Variants in ATP13A2 observed in about 807,000 individuals in gnomAD.
The protein encoded by ATP13A2 is ATPase cation transporting 13A2.
ATP13A2 carries 83 observed loss-of-function variants against 138.3 expected under a neutral mutation model. The observed-to-expected ratio is 0.60, with a 90% CI of 0.50 to 0.72. The LOEUF (loss-of-function observed/expected upper bound fraction) is 0.72. Ranked by LOEUF, ATP13A2 falls within the 30% of genes least tolerant of loss-of-function variation. The pLI is 0.00. For synonymous variants in ATP13A2, 663 were observed against 699.0 expected (o/e 0.95, Z 0.81); for missense variants, 1,402 against 1,606.4 (o/e 0.87, Z 2.17).
At position 16,995,084 on chromosome 1, in the gene ATP13A2, G is replaced by A. The variant is rs1435071167; in HGVS notation, c.1542+892C>T. Among the ~76,000 whole-genome samples, 1 of 152,120 alleles carries A rather than the reference G, an allele frequency of 6.6e-6. No individual in the cohort carries two copies. Among genetic ancestry groups the A allele is most frequent in the Non-Finnish European group, 1.5e-5 (1 of 68,020 alleles). On this transcript the variant is annotated intron_variant, in intron 15 of 28. Transcript: ENST00000326735. The surrounding 1 kb of genome is among the most constrained non-coding windows in gnomAD (Gnocchi z 4.1). The stretch of plus-strand genomic sequence containing the variant: ...TCCACCACTCCCTGTGCTCAGGTAC[G>A]CAGCACATCTGTGCCACGCCACTCC...
rs777952205 is a variant in ATP13A2, at chr1:17,000,252, C to T, written c.901G>A (p.Gly301Arg). ...CTGGGCCCTAGCTCCTCACCTCCCCCTGGCCGGCACACGCACACCCGCATG... is the reference window on the plus strand; with the variant it reads ...CTGGGCCCTAGCTCCTCACCTCCCCTTGGCCGGCACACGCACACCCGCATG... The part of the protein sequence containing the change: ...LSMRVCVCRP[G>R]GEEEWVDSSE... The change falls in exon 10 of 29, where the codon GGG becomes AGG. Residue 301 changes from glycine (G) to arginine (R), a missense_variant. Transcript: ENST00000326735. 4.5e-6 allele frequency: 7 copies of T among 1,566,988 alleles called. No individual in the cohort carries two copies. Among genetic ancestry groups the T allele is most frequent in the African/African-American group, 2.7e-5 (2 of 74,036 alleles).
rs755392029 is a variant in ATP13A2, at chr1:17,000,111, C to A, written c.939G>T (p.Val313=). The A allele has an allele frequency of 6.2e-7, 1 of 1,613,466 alleles. No homozygotes were observed. The highest frequency in any genetic ancestry group is 1.1e-5 in the South Asian group (1 of 91,070). The part of the protein sequence containing the change: ...EEEWVDSSEL[V]PGDCLVLPQE... ...GGGGCAGCACCAGGCAGTCTCCGGGCACTAGCTCACTGGAGTCCACCCACT... is the reference window on the plus strand; with the variant it reads ...GGGGCAGCACCAGGCAGTCTCCGGGAACTAGCTCACTGGAGTCCACCCACT... The change falls in exon 11 of 29, where the codon GTG becomes GTT. Residue 313 remains valine (V), a synonymous_variant. Transcript: ENST00000326735.
chr1:17,006,450 C>T lies in ATP13A2; in HGVS notation c.11-672G>A, dbSNP rs1013884167. Among the ~76,000 whole-genome samples, 4 of 152,054 alleles carry T rather than the reference C, an allele frequency of 2.6e-5. No homozygotes were observed. The South Asian group carries it at 8.3e-4, about 32-fold the overall frequency. ...ATTTTTAGTAGAGATGGGGTTTCACCATGTTGGCCAGGCTGGTCTCGAACT... is the reference window on the plus strand; with the variant it reads ...ATTTTTAGTAGAGATGGGGTTTCACTATGTTGGCCAGGCTGGTCTCGAACT... On this transcript the variant is annotated intron_variant, in intron 1 of 28. Transcript: ENST00000326735.
chr1:17,011,922 C>T lies in ATP13A2; in HGVS notation c.-184G>A. 1 of 369,540 alleles carries T rather than the reference C, an allele frequency of 2.7e-6. No individual in the cohort carries two copies. Among genetic ancestry groups the T allele is most frequent in the Non-Finnish European group, 3.8e-6 (1 of 263,858 alleles). The allele number at this position is 369,540 out of a possible 1,614,324, so 22.9% of individuals were successfully genotyped here. On this transcript the variant is annotated 5_prime_UTR_variant, in exon 1 of 29. Transcript: ENST00000326735. This position sits in a 1 kb window ranked among gnomAD's most constrained non-coding sequence, Gnocchi z 7.3. ...TGGGCCACCAGGCTCGGCGCGGCTC[C>T]GACACTGCCGCAGTCCCTCCGTGCG...
intron 6 of ATP13A2, among the ~76,000 whole-genome samples, chr1:17,003,958 A>G (rs2076601): frequency 0.56 from 85,173 of 151,934 alleles, 24,875 homozygotes; most frequent in African/African-American, 0.73. Context: ...CACCGCACCC[A>G]GCCTGAGCTC....
intron 8 of ATP13A2, among the ~76,000 whole-genome samples, chr1:17,001,550 A>G (rs538503070): frequency 6.6e-6 from 1 of 152,192 alleles, no homozygotes; most frequent in Non-Finnish European, 1.5e-5. Flanking sequence ...GAGGGCTGGG[A>G]TGTTCACACT....
chr1:17,000,628 C>T (rs2077321500), intron 8 of ATP13A2, 94 bp from the exon 9 acceptor site: 1 of 1,492,070 alleles, frequency 6.7e-7, no homozygotes, highest in African/African-American at 1.4e-5. Flanking sequence ...GCAGAGGGCC[C>T]AGTGGCTGCC....
chr1:17,002,359 C>G lies in ATP13A2; in HGVS notation c.572G>C (p.Gly191Ala). The change falls in exon 7 of 29, where the codon GGC becomes GCC. Residue 191 changes from glycine (G) to alanine (A), a missense_variant. Physicochemically the swap from Gly to Ala is moderately conservative, Grantham distance 60 (BLOSUM62 0). Transcript: ENST00000326735. ...AFYQVSLLDH[G>A]RSCDDVHRSR... is the part of the protein sequence containing the mutation. Reference sequence around the variant, plus strand: ...GCGGTGGACGTCGTCACAAGAGCGGCCATGGTCCAGGAGGCTGGGGGTGGG... The same window carrying G: ...GCGGTGGACGTCGTCACAAGAGCGGGCATGGTCCAGGAGGCTGGGGGTGGG... The G allele has an allele frequency of 6.2e-7, 1 of 1,613,098 alleles. No homozygotes were observed. The highest frequency in any genetic ancestry group is 8.5e-7 in the Non-Finnish European group (1 of 1,179,816).
intron 20 of ATP13A2, among the ~76,000 whole-genome samples, chr1:16,991,493 C>T (rs1204223592): frequency 6.6e-6 from 1 of 152,242 alleles, no homozygotes; most frequent in Non-Finnish European, 1.5e-5. Context: ...TGACAGCGCA[C>T]ATGGGTTCCT....
Position 17,004,937 on chromosome 1 carries a change from G to C in ATP13A2, c.347+77C>G, listed in dbSNP as rs556230978. 8.0e-5 allele frequency: 129 copies of C among 1,611,532 alleles called. No individual in the cohort carries two copies. The African/African-American group carries it at 1.2e-3, about 15-fold the overall frequency. On this transcript the variant is annotated intron_variant, in intron 4 of 28. Coordinates refer to ENST00000326735, the MANE Select transcript of ATP13A2 (RefSeq NM_022089.4). This position sits in a 1 kb window ranked among gnomAD's most constrained non-coding sequence, Gnocchi z 4.1. ...GGAGGCGCCAGAGTCAGCCTTTATG[G>C]GGGGGCCGAGGGTTGGGGAAGTTGG...
chr1:17,003,862 G>C (rs953460670), intron 6 of ATP13A2, among the ~76,000 whole-genome samples: 1 of 151,992 alleles, frequency 6.6e-6, no homozygotes, highest in Non-Finnish European at 1.5e-5. Context: ...TGGGGTTTCA[G>C]CATCTTGGCC....
chr1:17,008,261 G>T (rs937973170), intron 1 of ATP13A2, among the ~76,000 whole-genome samples: 1 of 151,888 alleles, frequency 6.6e-6, no homozygotes, highest in African/African-American at 2.4e-5. Flanking sequence ...TCCCACCTCA[G>T]CCTCCAAATA....
chr1:17,008,555 T>G (rs2077652925), intron 1 of ATP13A2, among the ~76,000 whole-genome samples: 1 of 152,090 alleles, frequency 6.6e-6, no homozygotes, highest in Admixed American at 6.6e-5. Context: ...CTTCTGCTTA[T>G]CCATTTCCCA....
chr1:16,992,353 G>T lies in ATP13A2; in HGVS notation c.1895C>A (p.Ser632Ter). The T allele has an allele frequency of 6.2e-7, 1 of 1,613,286 alleles. No homozygotes were observed. The highest frequency in any genetic ancestry group is 8.5e-7 in the Non-Finnish European group (1 of 1,179,842). Residue 632 changes from serine (S) to a stop codon, truncating the protein, a stop_gained, in exon 18 of 29, where the codon TCG (serine) becomes TAG (stop). Coordinates refer to ENST00000326735, the MANE Select transcript of ATP13A2 (RefSeq NM_022089.4). LOFTEE classifies it high-confidence loss of function. ...VSVLHRFPFS[S>*]ALQRMSVVVA... ...CACCACACTCATGCGCTGCAGAGCC[G>T]AAGAGAAGGGGAAGCGGTGGAGGAC...
chr1:17,000,194 G>GACCCCCCCCC, intron 10 of ATP13A2, 52 bp from the exon 11 acceptor site: 1 of 1,570,254 alleles, frequency 6.4e-7, no homozygotes, highest in Non-Finnish European at 8.7e-7. Context: ...CCCCAGCCAT[G>GACCCCCCCCC]CCCCCCCACC....
In ATP13A2 at chr1:17,011,632, TG is replaced by T. The variant is rs2077796767; in HGVS notation, c.10+96del. 9.5e-6 allele frequency: 13 copies of T among 1,367,042 alleles called. No individual in the cohort carries two copies. The highest frequency in any genetic ancestry group is 3.2e-5 in the Admixed American group (1 of 31,654). The allele number at this position is 1,367,042 out of a possible 1,614,324, so 84.7% of individuals were successfully genotyped here. On this transcript the variant is annotated intron_variant, in intron 1 of 28. Coordinates refer to ENST00000326735, the MANE Select transcript of ATP13A2 (RefSeq NM_022089.4). This position sits in a 1 kb window ranked among gnomAD's most constrained non-coding sequence, Gnocchi z 7.3. ...GCTTCCTGGGCTCGCGACCCCGCGGTGGGGGGCGTCGCCTCCCCTCTCCCTC... is the reference window on the plus strand; with the variant it reads ...GCTTCCTGGGCTCGCGACCCCGCGGTGGGGGCGTCGCCTCCCCTCTCCCTC...
chr1:17,011,763 G>A lies in ATP13A2; in HGVS notation c.-25C>T. The A allele has an allele frequency of 6.9e-7, 1 of 1,441,222 alleles. No homozygotes were observed. Among genetic ancestry groups the A allele is most frequent in the Admixed American group, 2.5e-5 (1 of 39,794 alleles). The allele number at this position is 1,441,222 out of a possible 1,614,324, so 89.3% of individuals were successfully genotyped here. ...TGCCGGCTCCTCGCGCTCATCGCCG[G>A]CCCCGGCGCTGCGGCCCTCGGCCTG... On this transcript the variant is annotated 5_prime_UTR_variant, in exon 1 of 29. Transcript: ENST00000326735. This position sits in a 1 kb window ranked among gnomAD's most constrained non-coding sequence, Gnocchi z 7.3.
Position 17,004,303 on chromosome 1 carries a change from A to G in ATP13A2, c.557+29T>C, listed in dbSNP as rs1377951608. ...CAAACCAGTGCCACTCTGGGAGGTGACATGAGCCACACAGGCCCTGACTCC... is the reference window on the plus strand; with the variant it reads ...CAAACCAGTGCCACTCTGGGAGGTGGCATGAGCCACACAGGCCCTGACTCC... On this transcript the variant is annotated intron_variant, in intron 6 of 28. Coordinates refer to ENST00000326735, the MANE Select transcript of ATP13A2 (RefSeq NM_022089.4). The surrounding 1 kb of genome is among the most constrained non-coding windows in gnomAD (Gnocchi z 4.1). 6.2e-7 allele frequency: 1 copy of G among 1,608,628 alleles called. No individual in the cohort carries two copies. The highest frequency in any genetic ancestry group is 1.7e-5 in the Admixed American group (1 of 59,614).
At position 16,995,729 on chromosome 1, in the gene ATP13A2, A is replaced by G; in HGVS notation, c.1542+247T>C. 1 of 592,268 alleles carries G rather than the reference A, an allele frequency of 1.7e-6. No homozygotes were observed. Among genetic ancestry groups the G allele is most frequent in the Non-Finnish European group, 3.1e-6 (1 of 323,536 alleles). 36.7% of individuals were successfully genotyped at this position (592,268 alleles called of 1,614,324 possible). On this transcript the variant is annotated intron_variant, in intron 15 of 28. Coordinates refer to ENST00000326735, the MANE Select transcript of ATP13A2 (RefSeq NM_022089.4). The surrounding 1 kb of genome is among the most constrained non-coding windows in gnomAD (Gnocchi z 4.1). ...CCAAAGTGCTGGGATTACAGACGTG[A>G]GCCACCGCGCCCGGCCCCCCACCAG...
Sources: allele counts gnomAD v4.1 joint callset (sites outside exome capture counted in the v4.1 genomes callset), GRCh38; gene constraint gnomAD v4.1.1; non-coding constraint Gnocchi (gnomAD v3.1); transcripts MANE v1.5; gene names NCBI Gene and HGNC (gene_info 2026-07-23, HGNC 2026-07-21).